Variants in F13B observed in about 807,000 individuals in gnomAD.
The protein encoded by F13B is coagulation factor XIII B chain.
A neutral mutation model predicts 79.8 loss-of-function variants in F13B; 58 were observed. The observed-to-expected ratio is 0.73, with a 90% confidence interval of 0.59 to 0.90. F13B has a LOEUF of 0.90. Among genes scored for constraint, F13B ranks in the 40% least tolerant of loss-of-function variants. F13B has a pLI of 0.00. For synonymous variants in F13B, 283 were observed against 260.3 expected (o/e 1.09, Z -0.84); for missense variants, 773 against 777.0 (o/e 0.99, Z 0.06).
intron 4 of F13B, 132 bp from the exon 5 acceptor site, chr1:197,060,674 AT>A (rs1655820317): frequency 4.1e-6 from 3 of 740,664 alleles, no homozygotes; most frequent in Non-Finnish European, 6.6e-6. Flanking sequence ...CATTTTATAT[AT>A]TTGTTAAATA....
chr1:197,058,034 G>A (rs534655085), intron 5 of F13B, among the ~76,000 whole-genome samples: 2 of 152,188 alleles, frequency 1.3e-5, no homozygotes, highest in Admixed American at 6.5e-5. Flanking sequence ...CGGTTAAGCC[G>A]CACCCAGACC....
In F13B at chr1:197,040,495, T is replaced by C. The variant is rs1418925825; in HGVS notation, c.1952+27A>G. 3.3e-6 allele frequency: 5 copies of C among 1,537,952 alleles called. No individual in the cohort carries two copies. The South Asian group carries it at 3.4e-5, about 10-fold the overall frequency. On this transcript the variant is annotated intron_variant, in intron 11 of 11. Transcript: ENST00000367412. ...ATAACAATCTGACCAAAAAAAATAA[T>C]CTGACCAAAAAAAAAAAACTTCTTA...
chr1:197,063,050 G>T lies in F13B; in HGVS notation c.72C>A (p.Pro24=). The T allele has an allele frequency of 6.2e-7, 1 of 1,610,794 alleles. No homozygotes were observed. Among genetic ancestry groups the T allele is most frequent in the South Asian group, 1.1e-5 (1 of 90,922 alleles). ...ISGELYAEEK[P]CGFPHVENGR... Reference sequence around the variant, plus strand: ...CATTTTCCACATGAGGAAAACCACAGGGTTTCTCTGAAATGAGTAAATGTC... The same window carrying T: ...CATTTTCCACATGAGGAAAACCACATGGTTTCTCTGAAATGAGTAAATGTC... Residue 24 remains proline (P), a synonymous_variant, in exon 2 of 12, where the codon CCC becomes CCA. Coordinates refer to ENST00000367412, the MANE Select transcript of F13B (RefSeq NM_001994.3).
chr1:197,052,085 TTAAG>T (rs1655461148), intron 9 of F13B, among the ~76,000 whole-genome samples: 1 of 152,172 alleles, frequency 6.6e-6, no homozygotes, highest in Non-Finnish European at 1.5e-5. Flanking sequence ...ATTTTCGTCA[TTAAG>T]TATTTGCCCA....
intron 9 of F13B, among the ~76,000 whole-genome samples, chr1:197,051,779 G>A (rs964204018): frequency 2.6e-5 from 4 of 152,214 alleles, no homozygotes; most frequent in South Asian, 2.1e-4. Context: ...CAGCGATGTT[G>A]AGCTTTTTCC....
chr1:197,052,459 C>T (rs1380483546), intron 9 of F13B, among the ~76,000 whole-genome samples, 175 bp downstream of exon 9: 2 of 150,936 alleles, frequency 1.3e-5, no homozygotes, highest in Admixed American at 6.6e-5. Context: ...ACCCATGTAA[C>T]AAACCTGCAC....
chr1:197,062,883 C>T lies in F13B; in HGVS notation c.239G>A (p.Gly80Asp), dbSNP rs752162323. Residue 80 changes from glycine (G) to aspartate (D), a missense_variant, in exon 2 of 12, where the codon GGC (glycine) becomes GAC (aspartate). Gly to Asp is a moderately conservative substitution (Grantham distance 94). Coordinates refer to ENST00000367412, the MANE Select transcript of F13B (RefSeq NM_001994.3). ...GAAGCACCTTGGCTCTGGAGACCAG[C>T]CTTCTGTTGTACACGTGGTTTGCTC... is the stretch of plus-strand genomic sequence containing the variant. ...QEEQTTCTTE[G>D]WSPEPRCFKK... is the part of the protein sequence containing the mutation. 2.5e-6 allele frequency: 4 copies of T among 1,613,810 alleles called. No homozygotes were observed. The highest frequency in any genetic ancestry group is 1.1e-5 in the South Asian group (1 of 91,078).
intron 5 of F13B, among the ~76,000 whole-genome samples, chr1:197,059,644 C>T (rs1398543202): frequency 6.6e-6 from 1 of 152,218 alleles, no homozygotes; most frequent in Non-Finnish European, 1.5e-5. Context: ...GCATACCAAT[C>T]AGAATCTCTA....
intron 5 of F13B, among the ~76,000 whole-genome samples, chr1:197,060,049 A>T (rs1442409540): frequency 6.6e-6 from 1 of 152,122 alleles, no homozygotes; most frequent in Admixed American, 6.6e-5. Flanking sequence ...AAGCTGCCAG[A>T]TTGGGGTAAT....
rs575018842 is a variant in F13B, at chr1:197,040,751, T to TA, written c.1739-17dup. 1.6e-4 allele frequency: 251 copies of TA among 1,559,858 alleles called. 1 individual carries two copies. Among genetic ancestry groups the TA allele is most frequent in the East Asian group, 1.5e-3 (67 of 43,834 alleles). On this transcript the variant is annotated splice_polypyrimidine_tract_variant and intron_variant, in intron 10 of 11. Coordinates refer to ENST00000367412, the MANE Select transcript of F13B (RefSeq NM_001994.3). Reference sequence around the variant, plus strand: ...GTGCATGGCTCTGGGAACAACAATTTAAAAAAAAAGAAAGAAAAAGAAGAA... The same window carrying TA: ...GTGCATGGCTCTGGGAACAACAATTTAAAAAAAAAAGAAAGAAAAAGAAGAA...
intron 8 of F13B, among the ~76,000 whole-genome samples, chr1:197,053,722 A>G (rs1325615693): frequency 6.6e-6 from 1 of 152,152 alleles, no homozygotes; most frequent in Non-Finnish European, 1.5e-5. Context: ...AGCTAGGTGA[A>G]GAGAAGTTGC....
rs180992612 is a variant in F13B at position 197,059,777 on chromosome 1, T to A, written c.805+589A>T. Among the ~76,000 whole-genome samples the A allele has an allele frequency of 6.1e-4, 93 of 152,316 alleles. 1 individual carries two copies. Among genetic ancestry groups the A allele is most frequent in the African/African-American group, 2.2e-3 (91 of 41,580 alleles). ...CTGCTAGTATAGGACCCTCCTCATA[T>A]TAAATTGTAGGTTTGTTTAAATAAC... is the stretch of plus-strand genomic sequence containing the variant. On this transcript the variant is annotated intron_variant, in intron 5 of 11. Coordinates refer to ENST00000367412, the MANE Select transcript of F13B (RefSeq NM_001994.3).
At chr1:197,044,316 G>A (rs950583151) in intron 10 of F13B, among the ~76,000 whole-genome samples, 16 of 152,052 alleles carry the variant, frequency 1.1e-4, no homozygotes, top group Middle Eastern at 3.2e-3. Flanking sequence ...ACAGCGTTAT[G>A]GGGGGAGGGT....
chr1:197,040,539 T>C lies in F13B; in HGVS notation c.1935A>G (p.Arg645=). 1 of 1,610,296 alleles carries C rather than the reference T, an allele frequency of 6.2e-7. No homozygotes were observed. Among genetic ancestry groups the C allele is most frequent in the Non-Finnish European group, 8.5e-7 (1 of 1,177,458 alleles). Residue 645 remains arginine (R), a synonymous_variant, in exon 11 of 12, where the codon AGA becomes AGG. Coordinates refer to ENST00000367412, the MANE Select transcript of F13B (RefSeq NM_001994.3). ...CTTCTTACCTTTGTCTTGGAATACA[T>C]CTTGGATATTTTAACTGCCCTCTGT... ...QCDRGQLKYP[R]CIPRQSTLSY...
intron 1 of F13B, 28 bp from the exon 2 acceptor site, chr1:197,063,085 A>G (rs748436435): frequency 1.9e-6 from 3 of 1,583,224 alleles, no homozygotes; most frequent in East Asian, 2.2e-5. Flanking sequence ...CAAGCTGAAA[A>G]TGGAAAAACA....
chr1:197,039,461 G>C, intron 11 of F13B, 50 bp from the exon 12 acceptor site: 1 of 1,477,206 alleles, frequency 6.8e-7, no homozygotes, highest in Non-Finnish European at 9.4e-7. Context: ...TTGCAGTCAG[G>C]TGTTAATTAC....
intron 1 of F13B, among the ~76,000 whole-genome samples, chr1:197,066,590 G>A (rs1043158671): frequency 2.6e-5 from 4 of 152,108 alleles, no homozygotes; most frequent in African/African-American, 9.7e-5. Context: ...GTTATTAATA[G>A]AGCCCCTCTT....
intron 5 of F13B, among the ~76,000 whole-genome samples, chr1:197,059,278 TCTC>T (rs1400849627): frequency 6.6e-6 from 1 of 152,078 alleles, no homozygotes; most frequent in Non-Finnish European, 1.5e-5. Context: ...AAAATCTACT[TCTC>T]TACTACTATA....
chr1:197,048,990 A>G (rs1184629030), intron 10 of F13B, among the ~76,000 whole-genome samples: 1 of 152,030 alleles, frequency 6.6e-6, no homozygotes, highest in Non-Finnish European at 1.5e-5. Context: ...AATATTCAGA[A>G]CTTTAAAAAG....
Sources: allele counts gnomAD v4.1 joint callset (sites outside exome capture counted in the v4.1 genomes callset), GRCh38; gene constraint gnomAD v4.1.1; transcripts MANE v1.5; gene names NCBI Gene and HGNC (gene_info 2026-07-23, HGNC 2026-07-21).